The following MAP4K2 variants were observed in gnomAD, a reference collection of about 807,000 sequenced individuals.
MAP4K2 encodes the protein mitogen-activated protein kinase kinase kinase kinase 2, also known as B lymphocyte serine/threonine protein kinase.
In MAP4K2, 85 loss-of-function variants were observed where a neutral mutation model predicts 125.3. The ratio of observed to expected loss-of-function variants is 0.68; its 90% confidence interval spans 0.57 to 0.81. MAP4K2 has a LOEUF of 0.81. Among genes scored for constraint, MAP4K2 ranks in the 40% least tolerant of loss-of-function variants. The pLI is 0.00. For synonymous variants in MAP4K2, 479 were observed against 445.1 expected, an observed-to-expected ratio of 1.08 and a Z score of -0.96; for missense variants, 923 against 1,056.4, an observed-to-expected ratio of 0.87 and a Z score of 1.75.
At chr11:64,794,097 G>C (rs991871603) in intron 24 of MAP4K2, among the ~76,000 whole-genome samples, 1 of 152,206 alleles carries the variant, frequency 6.6e-6, no homozygotes, top group Non-Finnish European at 1.5e-5. Context: ...CCATAGCCCA[G>C]GGCCCCTCCC....
At chr11:64,795,334 G>C (rs1027211575) in intron 24 of MAP4K2, among the ~76,000 whole-genome samples, 1 of 151,774 alleles carries the variant, frequency 6.6e-6, no homozygotes, top group Non-Finnish European at 1.5e-5. Flanking sequence ...CGCCCACCTC[G>C]GCCTCTCAAA....
rs373545894 is a variant in MAP4K2, at chr11:64,796,381, G to A, written c.1643C>T (p.Thr548Met). The A allele has an allele frequency of 1.3e-5, 21 of 1,606,974 alleles. No homozygotes were observed. In the Admixed American group the frequency reaches 1.3e-4, roughly 10 times the overall value. The change falls in exon 24 of 32, where the codon ACG becomes ATG. Residue 548 changes from threonine (T) to methionine (M), a missense_variant. This residue lies in a region of MAP4K2 where 833 missense variants were observed against 911.4 expected (regional missense o/e 0.91). Transcript: ENST00000294066. ...NVLLSLSGKSTHIWAHDLPGL... is the reference protein window; with the variant it reads ...NVLLSLSGKSMHIWAHDLPGL... ...TGGGAGGTCATGGGCCCAGATGTGC[G>A]TGGATTTCCCTGCAGAAACAGGAAG...
chr11:64,794,888 C>T (rs1940700067), intron 24 of MAP4K2, among the ~76,000 whole-genome samples: 1 of 151,494 alleles, frequency 6.6e-6, no homozygotes, highest in African/African-American at 2.4e-5. Flanking sequence ...GTCCACATTT[C>T]CCTTTTTCTT....
At chr11:64,800,469 C>T (rs1287386405) in intron 10 of MAP4K2, 77 bp from the exon 11 acceptor site, 2 of 1,512,936 alleles carry the variant, frequency 1.3e-6, no homozygotes, top group Admixed American at 3.4e-5. Context: ...TGCCCTACCA[C>T]CCCTCCAGAG....
rs748533740 is a variant in MAP4K2, at chr11:64,792,283, G to A, written c.1811-8C>T. On this transcript the variant is annotated splice_region_variant and splice_polypyrimidine_tract_variant and intron_variant, in intron 25 of 31. Coordinates refer to ENST00000294066, the MANE Select transcript of MAP4K2 (RefSeq NM_004579.5). ...CCGTGTAGGGGTTCCGCACTGGCAG[G>A]GGAGCAGGCAGTGGGCACCGGGCTG... The A allele has an allele frequency of 5.6e-6, 9 of 1,606,418 alleles. No homozygotes were observed. Among genetic ancestry groups the A allele is most frequent in the Admixed American group, 1.7e-5 (1 of 59,358 alleles).
At position 64,797,523 on chromosome 11, in the gene MAP4K2, A is replaced by G; in HGVS notation, c.1148T>C (p.Ile383Thr). 6.4e-7 allele frequency: 1 copy of G among 1,569,872 alleles called. No homozygotes were observed. ...CACCTGGAATTCTGAGGCTGACCGAATAGTCAGACTCCTGTGGGAGGGAGA... is the reference window on the plus strand; with the variant it reads ...CACCTGGAATTCTGAGGCTGACCGAGTAGTCAGACTCCTGTGGGAGGGAGA... ...QEALEERSLT[I>T]RSASEFQELD... The change falls in exon 17 of 32, where the codon ATT becomes ACT. Residue 383 changes from isoleucine (I) to threonine (T), a missense_variant. Coordinates refer to ENST00000294066, the MANE Select transcript of MAP4K2 (RefSeq NM_004579.5).
At chr11:64,800,574 C>T (rs139958417) in intron 10 of MAP4K2, among the ~76,000 whole-genome samples, 182 bp from the exon 11 acceptor site, 2 of 152,380 alleles carry the variant, frequency 1.3e-5, no homozygotes, top group Middle Eastern at 3.4e-3. Flanking sequence ...CTCCACCAAC[C>T]CTCTGCCCTT....
At chr11:64,795,249 A>T (rs1940725116) in intron 24 of MAP4K2, among the ~76,000 whole-genome samples, 1 of 150,554 alleles carries the variant, frequency 6.6e-6, no homozygotes, top group Non-Finnish European at 1.5e-5. Context: ...ACACCCAGCT[A>T]ATTTTTGTAT....
At chr11:64,801,959 G>A in intron 5 of MAP4K2, 107 bp downstream of exon 5, 1 of 1,280,206 alleles carries the variant, frequency 7.8e-7, no homozygotes, top group Non-Finnish European at 1.1e-6. Flanking sequence ...CAGCCCCTCG[G>A]GCCAGCCCCA....
chr11:64,791,757 TG>T, intron 27 of MAP4K2, 151 bp downstream of exon 27: 1 of 732,612 alleles, frequency 1.4e-6, no homozygotes. Context: ...AGGGAGGCTG[TG>T]GGCCCCAGAC....
At chr11:64,799,353 T>C in intron 14 of MAP4K2, 68 bp downstream of exon 14, 2 of 1,576,140 alleles carry the variant, frequency 1.3e-6, no homozygotes, top group Non-Finnish European at 8.7e-7. Context: ...TTTGAGCTGC[T>C]CGGCCTCCAT....
intron 24 of MAP4K2, among the ~76,000 whole-genome samples, chr11:64,792,949 G>A (rs1279341298): frequency 6.6e-6 from 1 of 152,234 alleles, no homozygotes; most frequent in African/African-American, 2.4e-5. Flanking sequence ...AGGTGCAACG[G>A]CTCACGCCTG....
intron 7 of MAP4K2, among the ~76,000 whole-genome samples, 165 bp from the exon 8 acceptor site, chr11:64,801,348 G>C (rs1312982672): frequency 6.6e-6 from 1 of 152,186 alleles, no homozygotes; most frequent in Non-Finnish European, 1.5e-5. Context: ...TCTCCTGAGA[G>C]GGGTCAACCA....
Position 64,796,855 on chromosome 11 carries a change from G to A in MAP4K2, c.1446C>T (p.Pro482=). 1.2e-6 allele frequency: 2 copies of A among 1,613,862 alleles called. No individual in the cohort carries two copies. The highest frequency in any genetic ancestry group is 8.5e-7 in the Non-Finnish European group (1 of 1,180,034). Residue 482 remains proline, a synonymous_variant, in exon 21 of 32, where the codon CCC becomes CCT. Transcript: ENST00000294066. Reference sequence around the variant, plus strand: ...AGGTGACAGCAGCGTGGATCCGCAGGGGGCAGCCATTGAAGACCTTGGAGA... The same window carrying A: ...AGGTGACAGCAGCGTGGATCCGCAGAGGGCAGCCATTGAAGACCTTGGAGA... ...ACFSKVFNGC[P]LRIHAAVTWI... is the part of the protein sequence containing the mutation.
At chr11:64,799,947 G>A (rs1287095130) in intron 12 of MAP4K2, among the ~76,000 whole-genome samples, 162 bp downstream of exon 12, 1 of 152,238 alleles carries the variant, frequency 6.6e-6, no homozygotes, top group African/African-American at 2.4e-5. Flanking sequence ...GGTGGTACAG[G>A]AAACAAAAGT....
Position 64,786,181 on chromosome 11 carries a change from A to G in MAP4K2, c.*3356T>C. 6.6e-6 allele frequency: 1 copy of G among 152,188 alleles called. No individual in the cohort carries two copies. The highest frequency in any genetic ancestry group is 6.5e-5 in the Admixed American group (1 of 15,270). 9.4% of individuals were successfully genotyped at this position (152,188 alleles called of 1,614,324 possible). ...TGGTTTCATTTTGTTTTTGAGCTTT[A>G]TAATATGCTATCGTACTGTGCATAA... On this transcript the variant is annotated 3_prime_UTR_variant, in exon 32 of 32. Transcript: ENST00000294066.
chr11:64,802,892 T>A lies in MAP4K2; in HGVS notation c.147A>T (p.Leu49=). The A allele has an allele frequency of 6.2e-7, 1 of 1,601,556 alleles. No homozygotes were observed. Among genetic ancestry groups the A allele is most frequent in the Non-Finnish European group, 8.5e-7 (1 of 1,174,842 alleles). Residue 49 remains leucine, a synonymous_variant, in exon 2 of 32, where the codon CTA becomes CTT. Coordinates refer to ENST00000294066, the MANE Select transcript of MAP4K2 (RefSeq NM_004579.5). ...CCCGACCCGGGCCCTCACCTGGGTC[T>A]AGCTTGACTATCTTCACGGCGGCCA... ...SELAAVKIVK[L]DPGDDISSLQ...
intron 31 of MAP4K2, 47 bp downstream of exon 31, chr11:64,789,683 C>T (rs756357562): frequency 1.2e-6 from 2 of 1,612,734 alleles, no homozygotes; most frequent in Non-Finnish European, 1.7e-6. Context: ...AGCCCCTTCT[C>T]TGGCCTCAGG....
intron 24 of MAP4K2, among the ~76,000 whole-genome samples, chr11:64,792,860 T>C (rs1418085997): frequency 6.6e-6 from 1 of 152,110 alleles, no homozygotes; most frequent in Non-Finnish European, 1.5e-5. Flanking sequence ...TATCATCCCA[T>C]ATTAGGACTT....
Sources: allele counts gnomAD v4.1 joint callset (sites outside exome capture counted in the v4.1 genomes callset), GRCh38; gene constraint gnomAD v4.1.1; regional missense constraint gnomAD v4.1.1; transcripts MANE v1.5; gene names NCBI Gene and HGNC (gene_info 2026-07-23, HGNC 2026-07-21).